Variants in ATP2B4 observed in about 807,000 individuals in gnomAD.
ATP2B4 encodes the protein ATPase plasma membrane Ca2+ transporting 4.
Under a neutral mutation model 110.3 loss-of-function variants are expected in ATP2B4, and 39 were observed. That is an observed-to-expected ratio of 0.35 (90% CI 0.27 to 0.46). The LOEUF (loss-of-function observed/expected upper bound fraction) is 0.46. Among genes scored for constraint, ATP2B4 ranks in the 20% least tolerant of loss-of-function variants. The probability of loss-of-function intolerance (pLI) is 1.00; values close to 1 mark genes in which losing one functional copy is unlikely to be tolerated. For missense variants in ATP2B4, 1,135 were observed against 1,530.9 expected, an observed-to-expected ratio of 0.74 and a Z score of 4.32; for synonymous variants, 538 against 571.7, an observed-to-expected ratio of 0.94 and a Z score of 0.84.
intron 2 of ATP2B4, among the ~76,000 whole-genome samples, chr1:203,693,236 G>C (rs1269133876): frequency 2.0e-5 from 3 of 152,132 alleles, no homozygotes; most frequent in Non-Finnish European, 4.4e-5. Flanking sequence ...AGACTCTCTA[G>C]GGCAGAAAGA....
At position 203,741,601 on chromosome 1, in the gene ATP2B4, A is replaced by T. The variant is rs953829606; in HGVS notation, c.*1747A>T. The T allele has an allele frequency of 6.6e-6, 1 of 152,266 alleles. No homozygotes were observed. Among genetic ancestry groups the T allele is most frequent in the Non-Finnish European group, 1.5e-5 (1 of 68,048 alleles). 9.4% of individuals were successfully genotyped at this position (152,266 alleles called of 1,614,324 possible). On this transcript the variant is annotated 3_prime_UTR_variant, in exon 21 of 21. Transcript: ENST00000357681. ...GGCCAAATTCCCATGTGAGAGGAAG[A>T]TGACCTGATCCACCTAGCCTTTTCT...
chr1:203,648,263 T>A (rs7540131), intron 1 of ATP2B4, among the ~76,000 whole-genome samples: 126,631 of 152,016 alleles, frequency 0.83, 55,250 homozygotes, highest in Non-Finnish European at 0.97. Context: ...TATCTGCAGC[T>A]ATATTTTTAA....
intron 2 of ATP2B4, among the ~76,000 whole-genome samples, chr1:203,697,620 C>T (rs1226397588): frequency 2.0e-5 from 3 of 152,206 alleles, no homozygotes; most frequent in African/African-American, 2.4e-5. Context: ...AAGTTCCACC[C>T]TCTCTAAGTC....
chr1:203,691,563 C>T (rs973497976), intron 2 of ATP2B4, among the ~76,000 whole-genome samples: 1 of 152,148 alleles, frequency 6.6e-6, no homozygotes, highest in Middle Eastern at 3.2e-3. Flanking sequence ...CCTGAGGAAG[C>T]GGCCCACCTT....
At position 203,739,956 on chromosome 1, in the gene ATP2B4, G is replaced by A; in HGVS notation, c.*102G>A. The stretch of plus-strand genomic sequence containing the variant: ...ACTTTTCATTGTCACGTCAGCTGCT[G>A]TGTTAACAGCAGTGTGTGTGAAGTG... On this transcript the variant is annotated 3_prime_UTR_variant, in exon 21 of 21. Coordinates refer to ENST00000357681, the MANE Select transcript of ATP2B4 (RefSeq NM_001684.5). 2 of 1,258,906 alleles carry A rather than the reference G, an allele frequency of 1.6e-6. No individual in the cohort carries two copies. Among genetic ancestry groups the A allele is most frequent in the Non-Finnish European group, 2.2e-6 (2 of 916,086 alleles). 78.0% of individuals were successfully genotyped at this position (1,258,906 alleles called of 1,614,324 possible).
rs1480882183 is a variant in ATP2B4, at chr1:203,741,401, G to A, written c.*1547G>A. On this transcript the variant is annotated 3_prime_UTR_variant, in exon 21 of 21. Transcript: ENST00000357681. Reference sequence around the variant, plus strand: ...GACTTTGCTAGGAGATTTTTTAAGTGTTCCTTACTGGGACAACGTGGAGCC... The same window carrying A: ...GACTTTGCTAGGAGATTTTTTAAGTATTCCTTACTGGGACAACGTGGAGCC... The A allele has an allele frequency of 6.6e-6, 1 of 152,558 alleles. No homozygotes were observed. The highest frequency in any genetic ancestry group is 2.4e-5 in the African/African-American group (1 of 41,418). The allele number at this position is 152,558 out of a possible 1,614,324, so 9.5% of individuals were successfully genotyped here.
chr1:203,689,046 C>T (rs776857498), intron 2 of ATP2B4, among the ~76,000 whole-genome samples: 2 of 152,128 alleles, frequency 1.3e-5, no homozygotes, highest in Non-Finnish European at 2.9e-5. Flanking sequence ...CTCTTCTTTC[C>T]CTGTCCCATT....
intron 19 of ATP2B4, 85 bp from the exon 20 acceptor site, chr1:203,727,310 C>T: frequency 6.6e-7 from 1 of 1,513,580 alleles, no homozygotes; most frequent in Non-Finnish European, 9.0e-7. Context: ...GAGTAACCTG[C>T]CCAAGGGCCT....
chr1:203,633,797 ATTTAAT>A (rs1663351642), intron 1 of ATP2B4, among the ~76,000 whole-genome samples: 1 of 152,060 alleles, frequency 6.6e-6, no homozygotes. Context: ...TTTTCTTTAA[ATTTAAT>A]TTTATGTGAG....
At chr1:203,694,774 A>G (rs1665483572) in intron 2 of ATP2B4, among the ~76,000 whole-genome samples, 1 of 152,192 alleles carries the variant, frequency 6.6e-6, no homozygotes, top group African/African-American at 2.4e-5. Context: ...AGAGACTAAG[A>G]ACAGGAGAGG....
intron 4 of ATP2B4, 75 bp downstream of exon 4, chr1:203,699,792 G>A: frequency 1.3e-6 from 2 of 1,560,404 alleles, no homozygotes; most frequent in Non-Finnish European, 8.7e-7. Flanking sequence ...GCATGAGGGG[G>A]CTGGGAATTG....
At chr1:203,710,806 A>G (rs2032018) in intron 11 of ATP2B4, 71 bp from the exon 12 acceptor site, 612,444 of 1,225,986 alleles carry the variant, frequency 0.5, 159,414 homozygotes, top group East Asian at 0.76. Context: ...TTGCCAAAAT[A>G]CCTGTCAATG....
At chr1:203,736,732 C>T (rs1666887411) in intron 20 of ATP2B4, among the ~76,000 whole-genome samples, 1 of 152,204 alleles carries the variant, frequency 6.6e-6, no homozygotes, top group Non-Finnish European at 1.5e-5. Flanking sequence ...GCACCTTCTT[C>T]ACTAGCCCTG....
At chr1:203,706,273 C>T (rs1004954106) in intron 8 of ATP2B4, among the ~76,000 whole-genome samples, 1 of 152,164 alleles carries the variant, frequency 6.6e-6, no homozygotes. Context: ...TCAGTAGTCT[C>T]AGGATGGTTT....
chr1:203,697,569 C>A (rs1333545274), intron 2 of ATP2B4, among the ~76,000 whole-genome samples: 1 of 152,190 alleles, frequency 6.6e-6, no homozygotes, highest in Non-Finnish European at 1.5e-5. Context: ...AGTGAGTGGT[C>A]CCATGGCTGA....
intron 15 of ATP2B4, among the ~76,000 whole-genome samples, chr1:203,717,957 CAACACTTTGGG>C (rs1469836810): frequency 1.3e-5 from 2 of 151,918 alleles, no homozygotes; most frequent in Non-Finnish European, 2.9e-5. Context: ...AACGGCCTCC[CAACACTTTGGG>C]AGGCCAAGGG....
chr1:203,718,339 C>T (rs946827389), intron 15 of ATP2B4, among the ~76,000 whole-genome samples: 7 of 151,866 alleles, frequency 4.6e-5, no homozygotes, highest in Non-Finnish European at 7.4e-5. Flanking sequence ...CACTCTGTCG[C>T]CCAGGCTGGA....
rs1224494540 is a variant in ATP2B4, at chr1:203,742,495, T to G, written c.*2641T>G. On this transcript the variant is annotated 3_prime_UTR_variant, in exon 21 of 21. Transcript: ENST00000357681. ...TAACACTTTTCCCCAAAATGGTGCTTTGGATTTGAAAAGGGTCTGATGGGG... is the reference window on the plus strand; with the variant it reads ...TAACACTTTTCCCCAAAATGGTGCTGTGGATTTGAAAAGGGTCTGATGGGG... 6.6e-6 allele frequency: 1 copy of G among 152,546 alleles called. No individual in the cohort carries two copies. The highest frequency in any genetic ancestry group is 1.5e-5 in the Non-Finnish European group (1 of 68,026). The allele number at this position is 152,546 out of a possible 1,614,324, so 9.4% of individuals were successfully genotyped here.
rs1337680937 is a variant in ATP2B4, at chr1:203,672,353, TTTTA to T, written c.-464-10388_-464-10385del. Among the ~76,000 whole-genome samples, 74 of 86,520 alleles carry T rather than the reference TTTTA, an allele frequency of 8.6e-4. 3 individuals are homozygous for T. The highest frequency in any genetic ancestry group is 2.9e-3 in the African/African-American group (69 of 23,710). The allele number at this position is 86,520 out of a possible 152,430, so 56.8% of individuals were successfully genotyped here. On this transcript the variant is annotated intron_variant, in intron 1 of 20. Transcript: ENST00000357681. ...TTTTTTTTTTTTTTTTTTTTTTTTT[TTTTA>T]AAGCTGATTTAGGGGGTTGGGAAAA...
Sources: allele counts gnomAD v4.1 joint callset (sites outside exome capture counted in the v4.1 genomes callset), GRCh38; gene constraint gnomAD v4.1.1; transcripts MANE v1.5; gene names NCBI Gene and HGNC (gene_info 2026-07-23, HGNC 2026-07-21).